Variants in SRP68 observed in about 807,000 individuals in gnomAD.
The protein encoded by SRP68 is signal recognition particle subunit SRP68.
In SRP68, 15 loss-of-function variants were observed where a neutral mutation model predicts 82.2. The observed-to-expected ratio is 0.18, with a 90% CI of 0.12 to 0.28. The LOEUF (loss-of-function observed/expected upper bound fraction) is 0.28. Ranked by LOEUF, SRP68 falls within the 10% of genes least tolerant of loss-of-function variation. The pLI, the probability that SRP68 is intolerant of heterozygous loss-of-function variation, is 1.00. For missense variants in SRP68, 595 were observed against 780.5 expected, an observed-to-expected ratio of 0.76 and a Z score of 2.83; for synonymous variants, 261 against 292.6, an observed-to-expected ratio of 0.89 and a Z score of 1.10.
intron 10 of SRP68, among the ~76,000 whole-genome samples, chr17:76,047,582 G>C (rs1179498305): frequency 6.6e-6 from 1 of 152,080 alleles, no homozygotes; most frequent in Non-Finnish European, 1.5e-5. Flanking sequence ...CCAGGAGTTT[G>C]AGACCAGCCC....
chr17:76,040,375 C>T (rs747624546), intron 15 of SRP68, 44 bp downstream of exon 15: 16 of 1,577,570 alleles, frequency 1.0e-5, no homozygotes, highest in East Asian at 2.2e-5. Context: ...TAGTTTGTTA[C>T]TAATCCTGCT....
Position 76,062,288 on chromosome 17 carries a change from G to GA in SRP68, c.562-715dup, listed in dbSNP as rs61471954. On this transcript the variant is annotated intron_variant, in intron 4 of 15. Transcript: ENST00000307877. ...GGCGACAGAGTGAGACTCTGTCTCA[G>GA]AAAAAAAAAAAAAAAAATTTAGCCA... Among the ~76,000 whole-genome samples, 1,076 of 117,226 alleles carry GA rather than the reference G, an allele frequency of 9.2e-3. 15 individuals carry two copies. Among genetic ancestry groups the GA allele is most frequent in the African/African-American group, 0.033 (992 of 30,268 alleles). The allele number at this position is 117,226 out of a possible 152,430, so 76.9% of individuals were successfully genotyped here.
Position 76,040,474 on chromosome 17 carries a change from T to A in SRP68, c.1601A>T (p.Asp534Val), listed in dbSNP as rs1285789612. The part of the protein sequence containing the change: ...KCSLQAAAIL[D>V]ANDAHQTETS... ...CTCTGTTTGATGAGCGTCGTTTGCA[T>A]CTGAAAGTTTCACAGGGATTCAGTA... Residue 534 changes from aspartate (D) to valine (V), a missense_variant and splice_region_variant, in exon 15 of 16, where the codon GAT becomes GTT. This residue lies in a region of SRP68 where 495 missense variants were observed against 688.6 expected (regional missense o/e 0.72). Transcript: ENST00000307877. 2 of 1,613,772 alleles carry A rather than the reference T, an allele frequency of 1.2e-6. No homozygotes were observed. The highest frequency in any genetic ancestry group is 1.7e-6 in the Non-Finnish European group (2 of 1,179,792).
intron 11 of SRP68, 27 bp from the exon 12 acceptor site, chr17:76,045,413 T>A: frequency 1.3e-6 from 2 of 1,518,898 alleles, no homozygotes; most frequent in Admixed American, 3.4e-5. Context: ...ACAAGAAAAT[T>A]CATGAAGAGT....
At position 76,050,447 on chromosome 17, in the gene SRP68, T is replaced by C; in HGVS notation, c.1058A>G (p.Glu353Gly). The change falls in exon 9 of 16, where the codon GAG becomes GGG. Residue 353 changes from glutamate to glycine, a missense_variant. By Grantham distance (98) the Glu-to-Gly change is moderately conservative (BLOSUM62 -2). This residue lies in a region of SRP68 where 495 missense variants were observed against 688.6 expected (regional missense o/e 0.72). Transcript: ENST00000307877. ...TCCTACCTGATCTGGCTTGAGCTCC[T>C]CCCGAACCACCTGGATGGCGTCCCG... is the stretch of plus-strand genomic sequence containing the variant. ...ECRDAIQVVR[E>G]ELKPDQKQRD... 1.9e-6 allele frequency: 3 copies of C among 1,613,746 alleles called. No individual in the cohort carries two copies. The highest frequency in any genetic ancestry group is 2.5e-6 in the Non-Finnish European group (3 of 1,179,822).
intron 2 of SRP68, among the ~76,000 whole-genome samples, chr17:76,068,544 C>T (rs972525523): frequency 2.6e-5 from 4 of 151,532 alleles, no homozygotes; most frequent in Non-Finnish European, 5.9e-5. Flanking sequence ...CTGAGGAAGA[C>T]TAAGATGACA....
intron 8 of SRP68, chr17:76,053,520 G>A (rs890290535): frequency 1.9e-5 from 19 of 985,172 alleles, no homozygotes; most frequent in South Asian, 9.4e-5. Flanking sequence ...TGACTGCCAC[G>A]TATCACCTCT....
At position 76,070,849 on chromosome 17, in the gene SRP68, T is replaced by TACACACACAC. The variant is rs2066846395; in HGVS notation, c.185-406_185-405insGTGTGTGTGT. Among the ~76,000 whole-genome samples the TACACACACAC allele has an allele frequency of 5.7e-5, 4 of 69,708 alleles. No homozygotes were observed. In the South Asian group the frequency reaches 1.1e-3, roughly 19 times the overall value. 45.7% of individuals were successfully genotyped at this position (69,708 alleles called of 152,430 possible). Reference sequence around the variant, plus strand: ...AGTGAGATTCAGTCACACATGCACATGCACACACACACACACACACACACA... The same window carrying TACACACACAC: ...AGTGAGATTCAGTCACACATGCACATACACACACACGCACACACACACACACACACACACA... On this transcript the variant is annotated intron_variant, in intron 1 of 15. Transcript: ENST00000307877.
chr17:76,044,432 G>A (rs998311437), intron 12 of SRP68, among the ~76,000 whole-genome samples: 1 of 152,200 alleles, frequency 6.6e-6, no homozygotes, highest in African/African-American at 2.4e-5. Flanking sequence ...GTCCCTGACA[G>A]GACAGAAGGG....
intron 13 of SRP68, among the ~76,000 whole-genome samples, chr17:76,042,671 G>A (rs1351864936): frequency 6.6e-6 from 1 of 151,960 alleles, no homozygotes; most frequent in Non-Finnish European, 1.5e-5. Flanking sequence ...TGCAACCTCT[G>A]CCTCCCAGAT....
intron 4 of SRP68, among the ~76,000 whole-genome samples, chr17:76,062,797 G>C (rs1251084202): frequency 8.0e-5 from 9 of 112,246 alleles, no homozygotes; most frequent in African/African-American, 3.6e-4. Flanking sequence ...TTGAGATGGA[G>C]TCTTGCTCTG....
At chr17:76,046,315 C>G in intron 10 of SRP68, 121 bp from the exon 11 acceptor site, 2 of 1,144,324 alleles carry the variant, frequency 1.7e-6, no homozygotes, top group Non-Finnish European at 2.5e-6. Context: ...GTGGCCACAG[C>G]AGGGCCATTT....
At chr17:76,049,261 A>T (rs2066654287) in intron 9 of SRP68, 1 of 152,252 alleles carries the variant, frequency 6.6e-6, no homozygotes, top group African/African-American at 2.4e-5. Context: ...ATTAACTATC[A>T]AAGCTTATAG....
intron 9 of SRP68, among the ~76,000 whole-genome samples, chr17:76,049,861 TAGAC>T (rs2144495928): frequency 6.6e-6 from 1 of 152,152 alleles, no homozygotes; most frequent in South Asian, 2.1e-4. Flanking sequence ...TTTTTAAAAT[TAGAC>T]AGGGAAACTA....
chr17:76,054,696 G>A (rs774735880), intron 8 of SRP68, among the ~76,000 whole-genome samples: 2 of 151,830 alleles, frequency 1.3e-5, no homozygotes, highest in Admixed American at 6.6e-5. Context: ...GGTGGTATGC[G>A]CCTGTAATCC....
chr17:76,071,771 C>T lies in SRP68; in HGVS notation c.184+537G>A, dbSNP rs1387469460. Among the ~76,000 whole-genome samples, 6 of 152,132 alleles carry T rather than the reference C, an allele frequency of 3.9e-5. No homozygotes were observed. Among genetic ancestry groups the T allele is most frequent in the African/African-American group, 1.4e-4 (6 of 41,408 alleles). On this transcript the variant is annotated intron_variant, in intron 1 of 15. Transcript: ENST00000307877. The surrounding 1 kb of genome is among the most constrained non-coding windows in gnomAD (Gnocchi z 4.7). ...GAATGACTGTCAGCAAGATAAAATGCCTACAGACCGATCAGAAAAAAATGA... is the reference window on the plus strand; with the variant it reads ...GAATGACTGTCAGCAAGATAAAATGTCTACAGACCGATCAGAAAAAAATGA...
At position 76,047,945 on chromosome 17, in the gene SRP68, C is replaced by G. The variant is rs772393796; in HGVS notation, c.1103G>C (p.Gly368Ala). Residue 368 changes from glycine to alanine, a missense_variant, in exon 10 of 16, where the codon GGA (glycine) becomes GCA (alanine). Gly to Ala is a moderately conservative substitution (Grantham distance 60). Around this residue, in one of 2 missense-constraint regions of SRP68, gnomAD observed 495 missense variants for 688.6 expected, o/e 0.72. Coordinates refer to ENST00000307877, the MANE Select transcript of SRP68 (RefSeq NM_014230.4). ...DQKQRDYILEGEPGKVSNLQY... is the reference protein window; with the variant it reads ...DQKQRDYILEAEPGKVSNLQY... Reference sequence around the variant, plus strand: ...AAGATTAGACACCTTCCCTGGCTCTCCTTCAAGGATATAATCTCTCTGTTT... The same window carrying G: ...AAGATTAGACACCTTCCCTGGCTCTGCTTCAAGGATATAATCTCTCTGTTT... 1 of 1,579,008 alleles carries G rather than the reference C, an allele frequency of 6.3e-7. No individual in the cohort carries two copies. Among genetic ancestry groups the G allele is most frequent in the Non-Finnish European group, 8.6e-7 (1 of 1,159,956 alleles).
At chr17:76,058,441 T>C (rs1190012708) in intron 7 of SRP68, among the ~76,000 whole-genome samples, 1 of 152,098 alleles carries the variant, frequency 6.6e-6, no homozygotes, top group Non-Finnish European at 1.5e-5. Flanking sequence ...ATTTTTTTTG[T>C]AGAGGTGGGG....
intron 3 of SRP68, among the ~76,000 whole-genome samples, chr17:76,066,321 A>G (rs1379445408): frequency 6.6e-6 from 1 of 151,934 alleles, no homozygotes; most frequent in Non-Finnish European, 1.5e-5. Flanking sequence ...GCGTGGTGTC[A>G]CGTGCCTGTA....
Sources: allele counts gnomAD v4.1 joint callset (sites outside exome capture counted in the v4.1 genomes callset), GRCh38; gene constraint gnomAD v4.1.1; regional missense constraint gnomAD v4.1.1; non-coding constraint Gnocchi (gnomAD v3.1); transcripts MANE v1.5; gene names NCBI Gene and HGNC (gene_info 2026-07-23, HGNC 2026-07-21).